The following ERBB4 variants were observed in gnomAD, a reference collection of about 807,000 sequenced individuals.
The protein encoded by ERBB4 is erb-b2 receptor tyrosine kinase 4, also known as receptor tyrosine-protein kinase erbB-4.
ERBB4 carries 42 observed loss-of-function variants against 158.0 expected under a neutral mutation model. The ratio of observed to expected loss-of-function variants is 0.27; its 90% CI spans 0.21 to 0.34. The LOEUF is 0.34. ERBB4 is among the 10% of genes least tolerant of loss of function. ERBB4 has a pLI of 1.00. For synonymous variants in ERBB4, 583 were observed against 558.7 expected, an observed-to-expected ratio of 1.04 and a Z score of -0.61; for missense variants, 1,333 against 1,624.1, an observed-to-expected ratio of 0.82 and a Z score of 3.08.
chr2:212,432,140 G>A (rs557139241), intron 1 of ERBB4, among the ~76,000 whole-genome samples: 40 of 152,242 alleles, frequency 2.6e-4, no homozygotes, highest in African/African-American at 9.6e-4. Context: ...GTCTATCTCT[G>A]TTGCTATCAC....
chr2:211,762,841 T>C (rs2106244762), intron 4 of ERBB4, among the ~76,000 whole-genome samples: 1 of 152,344 alleles, frequency 6.6e-6, no homozygotes. Context: ...ACCCCAATCC[T>C]AGTTTTCTCT....
rs556027518 is a variant in ERBB4 at position 211,793,381 on chromosome 2, T to C, written c.422-5222A>G. ...TGCATCTACAGGTCAACCTTAGAAT[T>C]AAAATGATAATTAAAATAATAAAGA... On this transcript the variant is annotated intron_variant, in intron 3 of 27. Transcript: ENST00000342788. 1.2e-3 allele frequency among the ~76,000 whole-genome samples: 186 copies of C among 151,958 alleles called. 1 individual carries two copies. The highest frequency in any genetic ancestry group is 2.2e-3 in the Non-Finnish European group (150 of 67,852).
intron 19 of ERBB4, among the ~76,000 whole-genome samples, chr2:211,574,894 T>C (rs1055796043): frequency 1.3e-5 from 2 of 152,220 alleles, no homozygotes; most frequent in Non-Finnish European, 2.9e-5. Context: ...TAAAGAATTC[T>C]ACCAGAGCTT....
intron 3 of ERBB4, among the ~76,000 whole-genome samples, chr2:211,835,238 C>A (rs968920187): frequency 2.0e-5 from 3 of 152,058 alleles, no homozygotes; most frequent in African/African-American, 7.2e-5. Flanking sequence ...CGCAAAGTAA[C>A]AAAAATACAT....
At chr2:211,887,510 A>C (rs1329988711) in intron 3 of ERBB4, among the ~76,000 whole-genome samples, 1 of 152,150 alleles carries the variant, frequency 6.6e-6, no homozygotes, top group Non-Finnish European at 1.5e-5. Context: ...TCAAGACAAA[A>C]GTTGTGTCAT....
chr2:211,666,503 A>G (rs942559560), intron 14 of ERBB4, among the ~76,000 whole-genome samples: 7 of 152,198 alleles, frequency 4.6e-5, no homozygotes, highest in South Asian at 4.1e-4. Context: ...ACATATATGA[A>G]TTTTACAGAA....
At chr2:212,014,392 A>G (rs1469605678) in intron 2 of ERBB4, among the ~76,000 whole-genome samples, 2 of 152,172 alleles carry the variant, frequency 1.3e-5, no homozygotes, top group Admixed American at 1.3e-4. Context: ...CTATTCACAT[A>G]AATGTCCAAC....
chr2:211,636,733 A>C (rs768613209), intron 16 of ERBB4, among the ~76,000 whole-genome samples: 3 of 151,952 alleles, frequency 2.0e-5, no homozygotes, highest in Non-Finnish European at 2.9e-5. Context: ...TAAAATGTGT[A>C]TGTTGGGGTA....
intron 2 of ERBB4, among the ~76,000 whole-genome samples, chr2:212,070,109 G>C (rs1171631385): frequency 6.6e-6 from 1 of 151,964 alleles, no homozygotes; most frequent in African/African-American, 2.4e-5. Flanking sequence ...GACAGAGTAA[G>C]ACCTTGTCTC....
intron 1 of ERBB4, among the ~76,000 whole-genome samples, chr2:212,428,666 T>G (rs959401555): frequency 2.6e-5 from 4 of 152,156 alleles, no homozygotes; most frequent in African/African-American, 9.6e-5. Context: ...GATTTCATGT[T>G]GTGTTCTTAT....
intron 7 of ERBB4, among the ~76,000 whole-genome samples, chr2:211,719,036 C>T (rs529067783): frequency 3.7e-4 from 57 of 152,270 alleles, no homozygotes; most frequent in Admixed American, 9.8e-4. Flanking sequence ...GTCATTTGCC[C>T]ATTAACAGTG....
chr2:212,113,937 C>T (rs2079497825), intron 2 of ERBB4, among the ~76,000 whole-genome samples: 1 of 152,106 alleles, frequency 6.6e-6, no homozygotes. Flanking sequence ...AATTCCTGTG[C>T]ATTTTTTTCC....
At chr2:212,243,010 C>T (rs1266899081) in intron 1 of ERBB4, among the ~76,000 whole-genome samples, 2 of 152,028 alleles carry the variant, frequency 1.3e-5, no homozygotes, top group African/African-American at 4.8e-5. Context: ...AATTTGCCAC[C>T]TCTCATTGTC....
chr2:211,422,834 A>G (rs1388904024), intron 23 of ERBB4, among the ~76,000 whole-genome samples: 1 of 151,982 alleles, frequency 6.6e-6, no homozygotes, highest in East Asian at 1.9e-4. Context: ...AATTCTGATG[A>G]GTTTAAATCA....
intron 1 of ERBB4, among the ~76,000 whole-genome samples, chr2:212,265,995 C>G (rs767429978): frequency 1.4e-4 from 22 of 151,966 alleles, no homozygotes; most frequent in Non-Finnish European, 2.8e-4. Flanking sequence ...TGATGGTGCT[C>G]TCTGCTGCAA....
At chr2:212,320,600 C>G (rs12622585) in intron 1 of ERBB4, among the ~76,000 whole-genome samples, 61,751 of 148,374 alleles carry the variant, frequency 0.42, 15,274 homozygotes, top group East Asian at 0.71. Flanking sequence ...TCTCTGAGGG[C>G]AGGAGTGAAG....
intron 2 of ERBB4, among the ~76,000 whole-genome samples, chr2:212,003,163 A>G (rs866816419): frequency 8.4e-5 from 2 of 23,748 alleles, no homozygotes; most frequent in African/African-American, 1.4e-4. Flanking sequence ...GAAAGAAAGA[A>G]AGAAAGAAAG....
chr2:211,966,404 G>A (rs1559205766), intron 2 of ERBB4, among the ~76,000 whole-genome samples: 1 of 151,950 alleles, frequency 6.6e-6, no homozygotes, highest in Non-Finnish European at 1.5e-5. Context: ...ACCACACCCA[G>A]CTAATTTTTG....
chr2:211,857,961 C>T (rs1023839508), intron 3 of ERBB4, among the ~76,000 whole-genome samples: 1 of 152,188 alleles, frequency 6.6e-6, no homozygotes, highest in African/African-American at 2.4e-5. Context: ...CCTCCAGGAT[C>T]TGAGAAGTTA....
Sources: allele counts gnomAD v4.1 joint callset (sites outside exome capture counted in the v4.1 genomes callset), GRCh38; gene constraint gnomAD v4.1.1; transcripts MANE v1.5; gene names NCBI Gene and HGNC (gene_info 2026-07-23, HGNC 2026-07-21).